The following SHROOM4 variants were observed in gnomAD, a reference collection of about 807,000 sequenced individuals.
SHROOM4 encodes the protein protein Shroom4.
Under a neutral mutation model 80.3 loss-of-function variants are expected in SHROOM4, and 17 were observed. That is an observed-to-expected ratio of 0.21 (90% confidence interval 0.14 to 0.32). The LOEUF (loss-of-function observed/expected upper bound fraction) is 0.32, where lower values mean the gene tolerates loss of function less well. SHROOM4 is among the 10% of genes least tolerant of loss of function. SHROOM4 has a pLI of 1.00. For synonymous variants in SHROOM4, 400 were observed against 437.5 expected (o/e 0.91, Z 1.07); for missense variants, 993 against 1,140.3 (o/e 0.87, Z 1.86).
intron 1 of SHROOM4, among the ~76,000 whole-genome samples, chrX:50,795,103 TA>T: frequency 2.0e-5 from 1 of 49,852 alleles, no homozygotes; most frequent in African/African-American, 9.9e-5. Context: ...ATATATATGA[TA>T]TATATATATG....
chrX:50,625,910 C>T (rs782410638), intron 5 of SHROOM4, among the ~76,000 whole-genome samples: 6 of 112,545 alleles, frequency 5.3e-5, no homozygotes, highest in African/African-American at 1.9e-4. Context: ...TTCTTCTCTG[C>T]TGCTGCTGTT....
intron 2 of SHROOM4, among the ~76,000 whole-genome samples, chrX:50,651,658 G>A (rs782446173): frequency 6.3e-5 from 7 of 111,417 alleles, no homozygotes; most frequent in South Asian, 3.9e-4. Context: ...TGGTATACAC[G>A]TGTCATGGTG....
At chrX:50,576,973 CTT>C in the SHROOM4 span, among the ~76,000 whole-genome samples, 1 of 112,040 alleles carries the variant, frequency 8.9e-6, no homozygotes, top group Non-Finnish European at 1.9e-5. Flanking sequence ...ATTTAGAAAA[CTT>C]AAGTGGAGAA....
chrX:50,743,549 C>T (rs188322497), intron 1 of SHROOM4, among the ~76,000 whole-genome samples: 1 of 110,532 alleles, frequency 9.0e-6, no homozygotes, highest in African/African-American at 3.3e-5. Context: ...TTAACCCGGG[C>T]TCAAGCGACC....
At chrX:50,764,525 G>T (rs1557269180) in intron 1 of SHROOM4, among the ~76,000 whole-genome samples, 1 of 111,466 alleles carries the variant, frequency 9.0e-6, no homozygotes, top group African/African-American at 3.3e-5. Flanking sequence ...ACGACAAAGA[G>T]CTGGGTTGGG....
chrX:50,654,961 T>A (rs782168599), intron 2 of SHROOM4, among the ~76,000 whole-genome samples: 11 of 102,279 alleles, frequency 1.1e-4, no homozygotes, highest in Non-Finnish European at 2.2e-4. Context: ...ATCTAGTAGG[T>A]CCCAGTGTCC....
chrX:50,679,654 G>A (rs530344136), intron 2 of SHROOM4, among the ~76,000 whole-genome samples: 302 of 111,190 alleles, frequency 2.7e-3, no homozygotes, highest in African/African-American at 8.6e-3. Context: ...CAGAGTAATT[G>A]GAATATCCAT....
rs200860508 is a variant in SHROOM4 at position 50,633,592 on chromosome X, G to A, written c.2481C>T (p.Asp827=). 5.7e-4 allele frequency: 693 copies of A among 1,210,284 alleles called. 1 individual carries two copies. The highest frequency in any genetic ancestry group is 6.7e-4 in the Non-Finnish European group (601 of 895,365). Residue 827 remains aspartate, a synonymous_variant, in exon 4 of 9, where the codon GAC becomes GAT. Coordinates refer to ENST00000376020, the MANE Select transcript of SHROOM4 (RefSeq NM_020717.5). ...GTTGGTCTGCGGAATGATATGATTG[G>A]TCCATGGGATGGCGCCTCAATTCCC... is the stretch of plus-strand genomic sequence containing the variant. ...SCRELRRHPM[D]QSYHSADQPY... is the part of the protein sequence containing the mutation.
At chrX:50,721,108 A>G (rs1038954929) in intron 1 of SHROOM4, among the ~76,000 whole-genome samples, 2 of 111,405 alleles carry the variant, frequency 1.8e-5, no homozygotes, top group Non-Finnish European at 3.8e-5. Flanking sequence ...CCGAGCCAGG[A>G]AAGTCTGGCA....
rs781821138 is a variant in SHROOM4 at position 50,635,103 on chromosome X, T to C, written c.970A>G (p.Arg324Gly). The C allele has an allele frequency of 8.3e-7, 1 of 1,211,749 alleles. No individual in the cohort carries two copies. The highest frequency in any genetic ancestry group is 1.8e-5 in the South Asian group (1 of 56,898). The change falls in exon 4 of 9, where the codon AGG becomes GGG. Residue 324 changes from arginine to glycine, a missense_variant. Arg to Gly is a moderately radical substitution (Grantham distance 125). Transcript: ENST00000376020. ...EPVLPARNPN[R>G]FCCLSGHDQV... ...TCATGCCCACTGAGGCAACAGAACC[T>C]ATTAGGGTTCCTTGCGGGTAGCACA... is the stretch of plus-strand genomic sequence containing the variant.
At chrX:50,696,365 G>A (rs782634313) in intron 1 of SHROOM4, among the ~76,000 whole-genome samples, 1 of 111,823 alleles carries the variant, frequency 8.9e-6, no homozygotes, top group African/African-American at 3.3e-5. Context: ...TCTGACAAAC[G>A]TAAGTTTGAA....
intron 1 of SHROOM4, among the ~76,000 whole-genome samples, chrX:50,798,915 T>C (rs1391796538): frequency 7.2e-5 from 8 of 111,504 alleles, no homozygotes; most frequent in African/African-American, 2.6e-4. Context: ...ATCCCTTTGA[T>C]TTTTCAAGCA....
chrX:50,777,300 T>A (rs1370253793), intron 1 of SHROOM4, among the ~76,000 whole-genome samples: 2 of 111,963 alleles, frequency 1.8e-5, no homozygotes, highest in Admixed American at 1.9e-4. Context: ...AGCTGGAGAC[T>A]GACATGATCC....
chrX:50,755,534 A>G (rs1177248084), intron 1 of SHROOM4, among the ~76,000 whole-genome samples: 1 of 112,216 alleles, frequency 8.9e-6, no homozygotes, highest in Non-Finnish European at 1.9e-5. Context: ...AACCAGCAAC[A>G]TAAGACACGA....
At chrX:50,581,904 G>A (rs141235451), downstream of SHROOM4, among the ~76,000 whole-genome samples, 669 of 110,815 alleles carry the variant, frequency 6.0e-3, 4 homozygotes, top group African/African-American at 0.021. Context: ...TGGCTAAACC[G>A]CAGATTAAGT....
intron 3 of SHROOM4, 48 bp from the exon 4 acceptor site, chrX:50,635,716 C>T (rs1557256002): frequency 1.2e-5 from 14 of 1,145,268 alleles, no homozygotes; most frequent in Non-Finnish European, 1.7e-5. Context: ...CATGGCCAGC[C>T]CTACTATAGG....
intron 1 of SHROOM4, among the ~76,000 whole-genome samples, chrX:50,729,774 C>T (rs1934326009): frequency 9.1e-6 from 1 of 110,301 alleles, no homozygotes; most frequent in Non-Finnish European, 1.9e-5. Context: ...AAAGGAAACC[C>T]CAATAAGACT....
At chrX:50,606,392 G>T (rs1270917964) in intron 6 of SHROOM4, among the ~76,000 whole-genome samples, 1 of 110,127 alleles carries the variant, frequency 9.1e-6, no homozygotes, top group South Asian at 3.9e-4. Flanking sequence ...ACTTCTAACC[G>T]CAACAAGTCT....
At chrX:50,756,957 G>C (rs782193204) in intron 1 of SHROOM4, among the ~76,000 whole-genome samples, 3 of 111,659 alleles carry the variant, frequency 2.7e-5, no homozygotes, top group African/African-American at 9.8e-5. Context: ...TTTCTGGATG[G>C]TATCTTTAAA....
Sources: allele counts gnomAD v4.1 joint callset (sites outside exome capture counted in the v4.1 genomes callset), GRCh38; gene constraint gnomAD v4.1.1; transcripts MANE v1.5; gene names NCBI Gene and HGNC (gene_info 2026-07-23, HGNC 2026-07-21).